Variants in RARB observed in about 807,000 individuals in gnomAD.
RARB encodes HBV-activated protein.
In RARB, 17 loss-of-function variants were observed where a neutral mutation model predicts 51.9. That is an observed-to-expected ratio of 0.33 (90% confidence interval 0.22 to 0.49). The LOEUF is 0.49. Among genes scored for constraint, RARB ranks in the 20% least tolerant of loss-of-function variants. The pLI is 0.99. For missense variants in RARB, 369 were observed against 550.8 expected (o/e 0.67, Z 3.30); for synonymous variants, 215 against 195.4 (o/e 1.10, Z -0.84).
At chr3:25,088,010 A>T (rs763585578) in intron 3 of RARB, among the ~76,000 whole-genome samples, 2 of 151,982 alleles carry the variant, frequency 1.3e-5, no homozygotes, top group Admixed American at 6.6e-5. Context: ...TGAGCCTGAA[A>T]TCATGGTTCA....
intron 3 of RARB, among the ~76,000 whole-genome samples, chr3:25,551,855 T>A (rs1477793977): frequency 6.6e-6 from 1 of 152,228 alleles, no homozygotes; most frequent in East Asian, 1.9e-4. Flanking sequence ...AAGCCTTCAA[T>A]CTGTTTTCCA....
intron 1 of RARB, among the ~76,000 whole-genome samples, chr3:25,432,273 T>C (rs1475421959): frequency 1.3e-5 from 2 of 152,188 alleles, no homozygotes; most frequent in African/African-American, 4.8e-5. Flanking sequence ...TGAGTATTGA[T>C]GTGCAACTTA....
chr3:25,392,990 G>C (rs931486838), intron 5 of RARB, among the ~76,000 whole-genome samples: 1 of 152,030 alleles, frequency 6.6e-6, no homozygotes, highest in Admixed American at 6.6e-5. Context: ...AATGACTTCA[G>C]ATTTTCCCCA....
chr3:25,091,461 T>C (rs2125316960), intron 3 of RARB, among the ~76,000 whole-genome samples: 1 of 152,316 alleles, frequency 6.6e-6, no homozygotes, highest in East Asian at 1.9e-4. Flanking sequence ...TAGCGGCTTC[T>C]GAACTAAACT....
chr3:25,175,681 C>G (rs1393428246), intron 5 of RARB, among the ~76,000 whole-genome samples: 1 of 152,136 alleles, frequency 6.6e-6, no homozygotes, highest in Non-Finnish European at 1.5e-5. Context: ...GATAGACTTG[C>G]ACTTTTGGGA....
intron 2 of RARB, among the ~76,000 whole-genome samples, chr3:25,472,956 C>G (rs1483477501): frequency 6.6e-6 from 1 of 152,182 alleles, no homozygotes; most frequent in Non-Finnish European, 1.5e-5. Context: ...CAGTTCTTGC[C>G]ATAGCTCTGG....
At chr3:25,424,063 C>A (rs1316641677), upstream of RARB, among the ~76,000 whole-genome samples, 5 of 152,004 alleles carry the variant, frequency 3.3e-5, no homozygotes, top group Non-Finnish European at 7.4e-5. Context: ...TTGTGTGTAA[C>A]CAAGTAGGAA....
intron 4 of RARB, among the ~76,000 whole-genome samples, chr3:25,573,279 C>G (rs1700782809): frequency 6.6e-6 from 1 of 152,188 alleles, no homozygotes; most frequent in African/African-American, 2.4e-5. Flanking sequence ...GGCTTCTGGC[C>G]TAAGAGAGAG....
At chr3:25,588,742 A>C (rs1344831266) in intron 5 of RARB, among the ~76,000 whole-genome samples, 1 of 152,094 alleles carries the variant, frequency 6.6e-6, no homozygotes, top group African/African-American at 2.4e-5. Context: ...TTGTCTAGGA[A>C]TTTAGTGCTG....
chr3:25,500,432 ATTTCTTTTTC>A (rs1464883916), intron 2 of RARB, among the ~76,000 whole-genome samples: 2 of 106,140 alleles, frequency 1.9e-5, no homozygotes, highest in East Asian at 6.0e-4. Flanking sequence ...TAGGCAAATA[ATTTCTTTTTC>A]TTTCTTTTCT....
chr3:24,974,430 T>G (rs1196236457), intron 2 of RARB, among the ~76,000 whole-genome samples: 2 of 152,148 alleles, frequency 1.3e-5, no homozygotes, highest in African/African-American at 4.8e-5. Context: ...ATAAGAGTTT[T>G]GCACAGCAGC....
At chr3:25,060,607 A>G (rs1290468709) in intron 3 of RARB, among the ~76,000 whole-genome samples, 2 of 151,900 alleles carry the variant, frequency 1.3e-5, no homozygotes, top group African/African-American at 4.8e-5. Context: ...AACAGGCAAC[A>G]TTTGTCCTGC....
At chr3:24,932,774 T>A (rs1297450354) in intron 2 of RARB, among the ~76,000 whole-genome samples, 1 of 152,128 alleles carries the variant, frequency 6.6e-6, no homozygotes, top group Non-Finnish European at 1.5e-5. Context: ...CAAGAAACAT[T>A]CCGTGGGATT....
In RARB at chr3:25,077,877, G is replaced by A. The variant is rs576753261; in HGVS notation, c.-328+17701G>A. On this transcript the variant is annotated intron_variant, in intron 3 of 11. Transcript: ENST00000383772. ...ATTATTGTGATTCTTCGTAATTGTA[G>A]CCATGTTTTTGGTATAAAGCAGTAT... Among the ~76,000 whole-genome samples, 5 of 152,208 alleles carry A rather than the reference G, an allele frequency of 3.3e-5. No individual in the cohort carries two copies. The East Asian group carries it at 9.7e-4, about 29-fold the overall frequency.
In RARB at chr3:24,901,889, G is replaced by A. The variant is rs79996368; in HGVS notation, c.-380+43137G>A. ...GGTGCTAAGCATTTATATATATAAC[G>A]TTAATAATAATAAGTTGGTGCAAAA... is the stretch of plus-strand genomic sequence containing the variant. On this transcript the variant is annotated intron_variant, in intron 2 of 11. Transcript: ENST00000383772. Among the ~76,000 whole-genome samples, 419 of 152,060 alleles carry A rather than the reference G, an allele frequency of 2.8e-3. 3 individuals are homozygous for A. Among genetic ancestry groups the A allele is most frequent in the African/African-American group, 9.9e-3 (410 of 41,494 alleles).
chr3:25,209,202 A>C (rs1015758093), intron 5 of RARB, among the ~76,000 whole-genome samples: 1 of 152,130 alleles, frequency 6.6e-6, no homozygotes, highest in Non-Finnish European at 1.5e-5. Context: ...TTGGAACTCC[A>C]TTTTGCTGGT....
At chr3:25,094,716 CAAAAAAAAAA>C (rs57477720) in intron 3 of RARB, among the ~76,000 whole-genome samples, 13 of 43,106 alleles carry the variant, frequency 3.0e-4, no homozygotes, top group Admixed American at 7.9e-4. Context: ...GACCCCATCT[CAAAAAAAAAA>C]AAAAAAAAAA....
chr3:25,560,973 A>G (rs1700246532), intron 3 of RARB, among the ~76,000 whole-genome samples: 1 of 152,204 alleles, frequency 6.6e-6, no homozygotes, highest in African/African-American at 2.4e-5. Context: ...AATCATGTAT[A>G]TATCTAAATA....
chr3:24,871,971 T>C (rs963165986), intron 2 of RARB, among the ~76,000 whole-genome samples: 4 of 152,134 alleles, frequency 2.6e-5, no homozygotes, highest in Admixed American at 2.0e-4. Context: ...CACGGTCATC[T>C]CTTGACTTTG....
Sources: allele counts gnomAD v4.1 joint callset (sites outside exome capture counted in the v4.1 genomes callset), GRCh38; gene constraint gnomAD v4.1.1; transcripts MANE v1.5; gene names NCBI Gene and HGNC (gene_info 2026-07-23, HGNC 2026-07-21).